The following HTR1E variants were observed in gnomAD, a reference collection of about 807,000 sequenced individuals.
The protein encoded by HTR1E is 5-HT-1E.
A neutral mutation model predicts 3.4 loss-of-function variants in HTR1E; 3 were observed. The ratio of observed to expected loss-of-function variants is 0.89; its 90% CI spans 0.41 to 2.31. HTR1E has a LOEUF of 2.31. Among genes scored for constraint, HTR1E ranks in the 30% most tolerant of loss-of-function variants. The pLI, the probability that HTR1E is intolerant of heterozygous loss-of-function variation, is 0.05. For synonymous variants in HTR1E, 170 were observed against 182.8 expected, an observed-to-expected ratio of 0.93 and a Z score of 0.56; for missense variants, 392 against 467.0, an observed-to-expected ratio of 0.84 and a Z score of 1.48.
chr6:87,009,941 C>T (rs1221650463), intron 1 of HTR1E, among the ~76,000 whole-genome samples: 8 of 127,636 alleles, frequency 6.3e-5, no homozygotes, highest in Non-Finnish European at 9.9e-5. Context: ...GGGCTCCTCA[C>T]TTCCCAGTAG....
intron 1 of HTR1E, among the ~76,000 whole-genome samples, chr6:86,947,625 G>A (rs553950036): frequency 6.6e-6 from 1 of 151,932 alleles, no homozygotes; most frequent in Admixed American, 6.6e-5. Context: ...TCTCTATAGG[G>A]AGAAAAGAGT....
chr6:86,947,870 T>C (rs989598674), intron 1 of HTR1E, among the ~76,000 whole-genome samples: 1 of 152,192 alleles, frequency 6.6e-6, no homozygotes, highest in Non-Finnish European at 1.5e-5. Context: ...CTTTTCCTTT[T>C]TTTAAAAAAT....
At chr6:86,973,322 GTGTGTGTGTC>G (rs1394565777) in intron 1 of HTR1E, among the ~76,000 whole-genome samples, 5 of 151,196 alleles carry the variant, frequency 3.3e-5, no homozygotes, top group African/African-American at 1.2e-4. Context: ...GTGTGTGTGT[GTGTGTGTGTC>G]TGTGTGTGTG....
chr6:86,955,330 G>T (rs1266061884), intron 1 of HTR1E, among the ~76,000 whole-genome samples: 1 of 152,078 alleles, frequency 6.6e-6, no homozygotes, highest in African/African-American at 2.4e-5. Context: ...CAAATGAGAC[G>T]CCTGCATGCG....
At chr6:86,946,216 A>T (rs748475016) in intron 1 of HTR1E, among the ~76,000 whole-genome samples, 1 of 151,574 alleles carries the variant, frequency 6.6e-6, no homozygotes, top group Non-Finnish European at 1.5e-5. Flanking sequence ...TGACTCACTG[A>T]CTCACCCAGA....
chr6:86,960,292 G>A (rs1767387067), intron 1 of HTR1E, among the ~76,000 whole-genome samples: 1 of 152,122 alleles, frequency 6.6e-6, no homozygotes, highest in Admixed American at 6.5e-5. Context: ...TGGCGGAAGT[G>A]CAGAAAAGAG....
chr6:86,953,516 C>G (rs989044154), intron 1 of HTR1E, among the ~76,000 whole-genome samples: 2 of 152,096 alleles, frequency 1.3e-5, no homozygotes, highest in African/African-American at 2.4e-5. Flanking sequence ...TTAGAAGGGA[C>G]TAGGCCATGT....
At chr6:86,956,660 C>A (rs1767329042) in intron 1 of HTR1E, among the ~76,000 whole-genome samples, 1 of 152,114 alleles carries the variant, frequency 6.6e-6, no homozygotes, top group South Asian at 2.1e-4. Flanking sequence ...TGTTCTCCGA[C>A]CCTCCTGAAG....
chr6:86,963,907 C>G (rs150232162), intron 1 of HTR1E, among the ~76,000 whole-genome samples: 3 of 152,184 alleles, frequency 2.0e-5, no homozygotes, highest in African/African-American at 7.2e-5. Context: ...TATTAAGCAC[C>G]TATTATATGC....
intron 1 of HTR1E, among the ~76,000 whole-genome samples, chr6:87,006,598 T>G (rs1768112611): frequency 6.6e-6 from 1 of 152,092 alleles, no homozygotes; most frequent in Non-Finnish European, 1.5e-5. Flanking sequence ...CAATCTAAAT[T>G]ATCCTATTAT....
chr6:87,003,977 C>T (rs1768066148), intron 1 of HTR1E, among the ~76,000 whole-genome samples: 1 of 152,116 alleles, frequency 6.6e-6, no homozygotes, highest in Non-Finnish European at 1.5e-5. Flanking sequence ...CTACTGTGTG[C>T]AATTATATGC....
intron 1 of HTR1E, among the ~76,000 whole-genome samples, chr6:86,993,015 C>A (rs1405101429): frequency 6.6e-6 from 1 of 152,072 alleles, no homozygotes; most frequent in African/African-American, 2.4e-5. Context: ...TCCCCTAGGT[C>A]CCCAGAGACC....
intron 1 of HTR1E, among the ~76,000 whole-genome samples, chr6:86,956,452 T>C (rs1279862881): frequency 1.3e-5 from 2 of 152,186 alleles, no homozygotes; most frequent in Non-Finnish European, 2.9e-5. Context: ...AACTTAACAC[T>C]TTCAACCAAT....
At chr6:86,978,410 C>T (rs749733690) in intron 1 of HTR1E, among the ~76,000 whole-genome samples, 6 of 152,062 alleles carry the variant, frequency 3.9e-5, no homozygotes, top group East Asian at 1.9e-4. Context: ...TAAGAACATA[C>T]GTTACATCAG....
chr6:87,015,823 C>A lies in HTR1E; in HGVS notation c.489C>A (p.His163Gln), dbSNP rs777898827. ...TGCCCCCTCTGTTCTGGAGAAGCCA[C>A]CGCCGCCTAAGCCCTCCCCCTAGTC... ...ISMPPLFWRS[H>Q]RRLSPPPSQC... Residue 163 changes from histidine (H) to glutamine (Q), a missense_variant, in exon 2 of 2, where the codon CAC becomes CAA. His to Gln is a conservative substitution (Grantham distance 24, BLOSUM62 0). This residue lies in a region of HTR1E where 189 missense variants were observed against 258.0 expected (regional missense o/e 0.73). Transcript: ENST00000305344. 8.1e-6 allele frequency: 13 copies of A among 1,613,666 alleles called. No individual in the cohort carries two copies. The South Asian group carries it at 1.4e-4, about 18-fold the overall frequency.
At chr6:86,962,681 T>A (rs1161632914) in intron 1 of HTR1E, among the ~76,000 whole-genome samples, 1 of 151,938 alleles carries the variant, frequency 6.6e-6, no homozygotes, top group Non-Finnish European at 1.5e-5. Flanking sequence ...CTACTAAAAA[T>A]ACAAAAGTTA....
At chr6:87,000,595 CAT>C (rs1340558597) in intron 1 of HTR1E, among the ~76,000 whole-genome samples, 2 of 152,156 alleles carry the variant, frequency 1.3e-5, no homozygotes, top group East Asian at 3.8e-4. Context: ...AGTGGCATGA[CAT>C]ATGTAAAATG....
intron 1 of HTR1E, among the ~76,000 whole-genome samples, chr6:86,948,802 T>C (rs894067593): frequency 1.3e-5 from 2 of 152,106 alleles, no homozygotes; most frequent in African/African-American, 2.4e-5. Flanking sequence ...TGAGGCTCAG[T>C]TGAGAGGTGT....
intron 1 of HTR1E, among the ~76,000 whole-genome samples, chr6:87,007,648 T>C (rs946519206): frequency 6.6e-6 from 1 of 152,140 alleles, no homozygotes. Context: ...AAAATTAAAC[T>C]CTTCTGGCTG....
Sources: allele counts gnomAD v4.1 joint callset (sites outside exome capture counted in the v4.1 genomes callset), GRCh38; gene constraint gnomAD v4.1.1; regional missense constraint gnomAD v4.1.1; transcripts MANE v1.5; gene names NCBI Gene and HGNC (gene_info 2026-07-23, HGNC 2026-07-21).